Variants in FAM76A observed in about 807,000 individuals in gnomAD.
FAM76A encodes the protein protein FAM76A.
FAM76A carries 32 observed loss-of-function variants against 46.2 expected under a neutral mutation model. The observed-to-expected ratio is 0.69, with a 90% CI of 0.52 to 0.93. FAM76A has a LOEUF of 0.93. Ranked by LOEUF, FAM76A falls within the 40% of genes least tolerant of loss-of-function variation. The pLI is 0.00. For missense variants in FAM76A, 274 were observed against 361.5 expected, an observed-to-expected ratio of 0.76 and a Z score of 1.96; for synonymous variants, 137 against 127.0, an observed-to-expected ratio of 1.08 and a Z score of -0.53.
chr1:27,746,586 G>A (rs1422888918), intron 5 of FAM76A, among the ~76,000 whole-genome samples: 1 of 151,824 alleles, frequency 6.6e-6, no homozygotes, highest in Non-Finnish European at 1.5e-5. Flanking sequence ...AAGTGGCCAG[G>A]TGTGGTGTTG....
At position 27,760,729 on chromosome 1, in the gene FAM76A, G is replaced by A; in HGVS notation, c.*148G>A. 5.8e-6 allele frequency: 3 copies of A among 515,774 alleles called. No individual in the cohort carries two copies. Among genetic ancestry groups the A allele is most frequent in the Non-Finnish European group, 1.1e-5 (3 of 283,400 alleles). The allele number at this position is 515,774 out of a possible 1,614,324, so 31.9% of individuals were successfully genotyped here. A position where few individuals can be genotyped will look rare whatever the true frequency, so the allele number is the denominator to read the frequency against. Reference sequence around the variant, plus strand: ...CTTCTTTGTGCGATTGCAGTGGGCTGAATGGAAACACCTGGTTTGTGCTGT... The same window carrying A: ...CTTCTTTGTGCGATTGCAGTGGGCTAAATGGAAACACCTGGTTTGTGCTGT... On this transcript the variant is annotated 3_prime_UTR_variant, in exon 9 of 9. Transcript: ENST00000373954.
chr1:27,727,667 A>G (rs2087883643), intron 2 of FAM76A, 131 bp downstream of exon 2: 3 of 680,964 alleles, frequency 4.4e-6, no homozygotes, highest in Admixed American at 2.6e-5. Context: ...CAATCACATT[A>G]TATACAGACT....
In FAM76A at chr1:27,740,940, A is replaced by G. The variant is rs2088140844; in HGVS notation, c.355-3714A>G. ...GGTCAGGAGCTCGAGACCAGCCTCA[A>G]CATGGAGAAACCCCATCTCTACTAA... On this transcript the variant is annotated intron_variant, in intron 4 of 8. Transcript: ENST00000373954. 2.0e-5 allele frequency among the ~76,000 whole-genome samples: 3 copies of G among 152,080 alleles called. No individual in the cohort carries two copies. In the East Asian group the frequency reaches 5.8e-4, roughly 30 times the overall value.
At chr1:27,747,596 C>G (rs1280218820) in intron 5 of FAM76A, among the ~76,000 whole-genome samples, 1 of 152,092 alleles carries the variant, frequency 6.6e-6, no homozygotes, top group Non-Finnish European at 1.5e-5. Context: ...ACTGAGATAC[C>G]AGTAGGTTAA....
chr1:27,739,487 T>TAA, intron 4 of FAM76A: 1 of 395,082 alleles, frequency 2.5e-6, no homozygotes, highest in Non-Finnish European at 4.9e-6. Context: ...TGTTCTAGTA[T>TAA]AAAAAAAAAC....
chr1:27,749,028 T>C, intron 5 of FAM76A, 40 bp from the exon 6 acceptor site: 1 of 1,351,620 alleles, frequency 7.4e-7, no homozygotes, highest in Non-Finnish European at 1.0e-6. Context: ...TGTTAATCTT[T>C]GATTTCTAAT....
At chr1:27,756,824 C>T (rs1032162324) in intron 7 of FAM76A, among the ~76,000 whole-genome samples, 1 of 151,966 alleles carries the variant, frequency 6.6e-6, no homozygotes, top group Non-Finnish European at 1.5e-5. Flanking sequence ...CTTTGGGAGG[C>T]TGAAGCAGGC....
At chr1:27,739,266 G>T (rs530143674) in intron 4 of FAM76A, 4 of 515,172 alleles carry the variant, frequency 7.8e-6, no homozygotes, top group South Asian at 5.7e-5. Flanking sequence ...ATGTGTGTTC[G>T]CCTACTGCCA....
Position 27,734,173 on chromosome 1 carries a change from A to T in FAM76A, c.344A>T (p.Asp115Val). ...KQQCAFDRKD[D>V]RKKVDGKLLC... ...CAGTGTGCATTTGACAGGAAAGATG[A>T]TAGAAAGAAGGTAAATCTCTGTTTT... is the stretch of plus-strand genomic sequence containing the variant. Residue 115 changes from aspartate to valine, a missense_variant, in exon 4 of 9, where the codon GAT becomes GTT. Coordinates refer to ENST00000373954, the MANE Select transcript of FAM76A (RefSeq NM_152660.3). The T allele has an allele frequency of 3.2e-6, 5 of 1,574,212 alleles. No homozygotes were observed. Among genetic ancestry groups the T allele is most frequent in the Non-Finnish European group, 3.4e-6 (4 of 1,165,256 alleles).
chr1:27,751,146 T>C (rs2088325422), intron 6 of FAM76A, among the ~76,000 whole-genome samples: 2 of 148,340 alleles, frequency 1.3e-5, no homozygotes, highest in Admixed American at 1.3e-4. Context: ...AGACTCTGTC[T>C]CAAAAAAAAA....
At chr1:27,757,783 T>C (rs955277763) in intron 7 of FAM76A, among the ~76,000 whole-genome samples, 2 of 152,158 alleles carry the variant, frequency 1.3e-5, no homozygotes, top group Admixed American at 1.3e-4. Flanking sequence ...AAGACCATCC[T>C]GGCTAACACG....
chr1:27,738,642 A>G (rs2088098114), intron 4 of FAM76A, among the ~76,000 whole-genome samples: 1 of 152,232 alleles, frequency 6.6e-6, no homozygotes, highest in South Asian at 2.1e-4. Context: ...TCCAGGTATT[A>G]GAAATAAACT....
intron 8 of FAM76A, 40 bp downstream of exon 8, chr1:27,759,667 C>T: frequency 2.9e-6 from 4 of 1,366,264 alleles, no homozygotes; most frequent in Non-Finnish European, 4.2e-6. Context: ...AAATTGTGTA[C>T]CTACCTGGTA....
chr1:27,726,148 A>G lies in FAM76A; in HGVS notation c.68A>G (p.Gln23Arg). The stretch of plus-strand genomic sequence containing the variant: ...CCCTTCGAGGCGCTGTCTCAGGGGC[A>G]GCAGCTGTGCAAGGTGCGCGGGCTG... ...RFPFEALSQG[Q>R]QLCKECRIAH... The change falls in exon 1 of 9, where the codon CAG becomes CGG. Residue 23 changes from glutamine (Q) to arginine (R), a missense_variant. Coordinates refer to ENST00000373954, the MANE Select transcript of FAM76A (RefSeq NM_152660.3). 7.7e-7 allele frequency: 1 copy of G among 1,305,144 alleles called. No individual in the cohort carries two copies. Among genetic ancestry groups the G allele is most frequent in the South Asian group, 2.3e-5 (1 of 43,362 alleles). 80.8% of individuals were successfully genotyped at this position (1,305,144 alleles called of 1,614,324 possible).
chr1:27,753,017 A>G (rs2088355304), intron 6 of FAM76A, among the ~76,000 whole-genome samples: 4 of 151,892 alleles, frequency 2.6e-5, no homozygotes, highest in African/African-American at 9.7e-5. Flanking sequence ...AAAATTAGCC[A>G]GGCATGGTGG....
rs139604845 is a variant in FAM76A at position 27,729,040 on chromosome 1, AT to A, written c.146+1513del. Among the ~76,000 whole-genome samples, 9 of 150,278 alleles carry A rather than the reference AT, an allele frequency of 6.0e-5. No individual in the cohort carries two copies. In the East Asian group the frequency reaches 1.2e-3, roughly 20 times the overall value. ...GGGGCATTTCCATAGCAACAAAGTG[AT>A]TTTTTTTTGGTACCAAGTTTGATTC... On this transcript the variant is annotated intron_variant, in intron 2 of 8. Transcript: ENST00000373954.
chr1:27,728,813 A>T (rs1369307458), intron 2 of FAM76A, among the ~76,000 whole-genome samples: 1 of 152,038 alleles, frequency 6.6e-6, no homozygotes, highest in Non-Finnish European at 1.5e-5. Flanking sequence ...AATACAAAAA[A>T]ATTACCTGGG....
intron 6 of FAM76A, among the ~76,000 whole-genome samples, chr1:27,753,966 G>T (rs1029254938): frequency 1.3e-5 from 2 of 152,112 alleles, no homozygotes; most frequent in African/African-American, 2.4e-5. Context: ...TCCTTAACTT[G>T]CTTTGAGTCT....
In FAM76A at chr1:27,762,735, A is replaced by G. The variant is rs1257815289; in HGVS notation, c.*2154A>G. On this transcript the variant is annotated 3_prime_UTR_variant, in exon 9 of 9. Coordinates refer to ENST00000373954, the MANE Select transcript of FAM76A (RefSeq NM_152660.3). Reference sequence around the variant, plus strand: ...GATGCATTTGCATTGACTATGGGAGAAAAATTAGGGGGAAATGACAGTCAT... The same window carrying G: ...GATGCATTTGCATTGACTATGGGAGGAAAATTAGGGGGAAATGACAGTCAT... 1 of 152,102 alleles carries G rather than the reference A, an allele frequency of 6.6e-6. No homozygotes were observed. Among genetic ancestry groups the G allele is most frequent in the East Asian group, 1.9e-4 (1 of 5,200 alleles). The allele number at this position is 152,102 out of a possible 1,614,324, so 9.4% of individuals were successfully genotyped here.
Sources: allele counts gnomAD v4.1 joint callset (sites outside exome capture counted in the v4.1 genomes callset), GRCh38; gene constraint gnomAD v4.1.1; transcripts MANE v1.5; gene names NCBI Gene and HGNC (gene_info 2026-07-23, HGNC 2026-07-21).